Variants in SPTLC3 observed in about 807,000 individuals in gnomAD.
SPTLC3 encodes the protein serine palmitoyltransferase long chain base subunit 3.
In SPTLC3, 36 loss-of-function variants were observed where a neutral mutation model predicts 59.3. The ratio of observed to expected loss-of-function variants is 0.61; its 90% CI spans 0.47 to 0.80. The LOEUF (loss-of-function observed/expected upper bound fraction) is 0.80, where lower values mean the gene tolerates loss of function less well. Ranked by LOEUF, SPTLC3 falls within the 30% of genes least tolerant of loss-of-function variation. The pLI is 0.00. For synonymous variants in SPTLC3, 257 were observed against 240.8 expected, an observed-to-expected ratio of 1.07 and a Z score of -0.62; for missense variants, 625 against 685.1, an observed-to-expected ratio of 0.91 and a Z score of 0.98.
chr20:13,129,913 A>G (rs1311023656), intron 9 of SPTLC3, among the ~76,000 whole-genome samples: 1 of 151,892 alleles, frequency 6.6e-6, no homozygotes, highest in East Asian at 1.9e-4. Flanking sequence ...AAAGCTTCTC[A>G]CTTTACTCCT....
intron 9 of SPTLC3, among the ~76,000 whole-genome samples, chr20:13,144,307 GA>G (rs1347060788): frequency 6.6e-6 from 1 of 152,116 alleles, no homozygotes; most frequent in Non-Finnish European, 1.5e-5. Flanking sequence ...GAAAATAGTG[GA>G]CACACTGATA....
intron 2 of SPTLC3, among the ~76,000 whole-genome samples, chr20:13,058,407 C>T (rs6105028): frequency 0.42 from 64,262 of 151,996 alleles, 13,597 homozygotes; most frequent in Middle Eastern, 0.57. Flanking sequence ...TCTCTAGGAA[C>T]GTAATATACT....
intron 1 of SPTLC3, among the ~76,000 whole-genome samples, chr20:13,043,348 A>G (rs1402150287): frequency 6.6e-6 from 1 of 151,906 alleles, no homozygotes; most frequent in Non-Finnish European, 1.5e-5. Flanking sequence ...CCTCATTCTC[A>G]CCCTGACTTT....
At chr20:13,139,827 A>G (rs2122876958) in intron 9 of SPTLC3, among the ~76,000 whole-genome samples, 1 of 152,354 alleles carries the variant, frequency 6.6e-6, no homozygotes, top group East Asian at 1.9e-4. Context: ...CTTGACCCGG[A>G]ATAGAATAAA....
chr20:13,068,065 T>C (rs1305595341), intron 2 of SPTLC3, among the ~76,000 whole-genome samples: 1 of 152,208 alleles, frequency 6.6e-6, no homozygotes, highest in African/African-American at 2.4e-5. Flanking sequence ...TCCCATTTTG[T>C]CCAATCAAGT....
At chr20:13,052,711 G>A (rs1325602167) in intron 2 of SPTLC3, among the ~76,000 whole-genome samples, 1 of 152,136 alleles carries the variant, frequency 6.6e-6, no homozygotes, top group African/African-American at 2.4e-5. Flanking sequence ...TAGCAGGAGG[G>A]GCATCCACCA....
chr20:13,092,959 T>C (rs1989280490), intron 5 of SPTLC3, among the ~76,000 whole-genome samples: 2 of 152,334 alleles, frequency 1.3e-5, no homozygotes, highest in South Asian at 2.1e-4. Context: ...TTGCCATCCA[T>C]ACTTCTCCAA....
intron 1 of SPTLC3, among the ~76,000 whole-genome samples, chr20:13,033,848 C>T (rs979962050): frequency 3.9e-5 from 6 of 152,026 alleles, no homozygotes; most frequent in African/African-American, 1.4e-4. Context: ...GAACATCCAG[C>T]CTGGTGCTTT....
At chr20:13,152,413 G>A (rs2038669795) in intron 9 of SPTLC3, among the ~76,000 whole-genome samples, 2 of 152,134 alleles carry the variant, frequency 1.3e-5, no homozygotes, top group African/African-American at 4.8e-5. Flanking sequence ...GGCAGAAGAG[G>A]AAATGTATTG....
intron 9 of SPTLC3, among the ~76,000 whole-genome samples, chr20:13,149,888 G>A (rs537251138): frequency 3.3e-5 from 5 of 152,334 alleles, no homozygotes; most frequent in South Asian, 4.1e-4. Flanking sequence ...AGATAATGCC[G>A]TTGGGAAAAG....
At chr20:13,140,865 G>A (rs771418750) in intron 9 of SPTLC3, among the ~76,000 whole-genome samples, 13 of 152,118 alleles carry the variant, frequency 8.5e-5, no homozygotes, top group Non-Finnish European at 1.6e-4. Flanking sequence ...CACTTTGTGC[G>A]AATTATTTCA....
intron 1 of SPTLC3, among the ~76,000 whole-genome samples, chr20:13,031,151 C>T (rs959128119): frequency 2.0e-5 from 3 of 152,148 alleles, no homozygotes; most frequent in East Asian, 1.9e-4. Context: ...AATTAGGCTG[C>T]GGGCCATAAT....
intron 9 of SPTLC3, among the ~76,000 whole-genome samples, chr20:13,143,334 TA>T (rs2038429740): frequency 6.6e-6 from 1 of 152,154 alleles, no homozygotes; most frequent in East Asian, 1.9e-4. Flanking sequence ...ATTTTTCAAA[TA>T]AATGTGTATG....
intron 1 of SPTLC3, among the ~76,000 whole-genome samples, chr20:13,033,849 C>G (rs16993657): frequency 0.1 from 15,405 of 152,024 alleles, 925 homozygotes; most frequent in African/African-American, 0.17. Context: ...AACATCCAGC[C>G]TGGTGCTTTT....
intron 6 of SPTLC3, among the ~76,000 whole-genome samples, chr20:13,104,401 T>A (rs1030989642): frequency 6.6e-6 from 1 of 152,136 alleles, no homozygotes; most frequent in African/African-American, 2.4e-5. Flanking sequence ...TTATAAAGGT[T>A]TTCCCCTTTC....
chr20:13,145,597 A>C (rs1568626266), intron 9 of SPTLC3, among the ~76,000 whole-genome samples: 1 of 152,220 alleles, frequency 6.6e-6, no homozygotes, highest in Non-Finnish European at 1.5e-5. Context: ...TATGCCCATC[A>C]AACTACCAAT....
At chr20:13,089,863 T>C (rs1238891733) in intron 4 of SPTLC3, among the ~76,000 whole-genome samples, 1 of 151,694 alleles carries the variant, frequency 6.6e-6, no homozygotes, top group Non-Finnish European at 1.5e-5. Context: ...CAGAAAATGG[T>C]ACATATTTTA....
At chr20:13,029,822 C>T (rs751379746) in intron 1 of SPTLC3, among the ~76,000 whole-genome samples, 8 of 152,124 alleles carry the variant, frequency 5.3e-5, no homozygotes, top group Non-Finnish European at 1.0e-4. Context: ...GGGTAATAGG[C>T]TATGTGCAGC....
chr20:13,114,777 C>T (rs1990439906), intron 7 of SPTLC3, among the ~76,000 whole-genome samples: 1 of 151,690 alleles, frequency 6.6e-6, no homozygotes, highest in Non-Finnish European at 1.5e-5. Context: ...TTTGGGCCCA[C>T]CAAGGAGATT....
Sources: allele counts gnomAD v4.1 joint callset (sites outside exome capture counted in the v4.1 genomes callset), GRCh38; gene constraint gnomAD v4.1.1; transcripts MANE v1.5; gene names NCBI Gene and HGNC (gene_info 2026-07-23, HGNC 2026-07-21).